The following TAFA2 variants were observed in gnomAD, a reference collection of about 807,000 sequenced individuals.
TAFA2 encodes the protein TAFA chemokine like family member 2, also known as chemokine-like protein TAFA-2.
TAFA2 carries 7 observed loss-of-function variants against 18.8 expected under a neutral mutation model. The ratio of observed to expected loss-of-function variants is 0.37; its 90% CI spans 0.21 to 0.70. TAFA2 has a LOEUF of 0.70. Ranked by LOEUF, TAFA2 falls within the 30% of genes least tolerant of loss-of-function variation. TAFA2 has a pLI of 0.53. For synonymous variants in TAFA2, 60 were observed against 54.2 expected (o/e 1.11, Z -0.47); for missense variants, 122 against 158.1 (o/e 0.77, Z 1.23).
In TAFA2 at chr12:62,161,930, C is replaced by G. The variant is rs926628802; in HGVS notation, c.-2+29329G>C. Among the ~76,000 whole-genome samples, 9 of 152,076 alleles carry G rather than the reference C, an allele frequency of 5.9e-5. 1 individual carries two copies. In the South Asian group the frequency reaches 1.9e-3, roughly 32 times the overall value. ...CATAGGAGTTAACTCTTGTCTAAATCAATTAGCCTATGGTAAAATTGATTT... is the reference window on the plus strand; with the variant it reads ...CATAGGAGTTAACTCTTGTCTAAATGAATTAGCCTATGGTAAAATTGATTT... On this transcript the variant is annotated intron_variant, in intron 1 of 4. Transcript: ENST00000416284.
chr12:62,210,681 A>C (rs2062709699), intron 1 of TAFA2, among the ~76,000 whole-genome samples: 1 of 152,234 alleles, frequency 6.6e-6, no homozygotes, highest in Non-Finnish European at 1.5e-5. Flanking sequence ...AACAGAGAGA[A>C]GTACATGAAA....
chr12:61,871,408 A>G (rs1407577684), intron 1 of TAFA2, among the ~76,000 whole-genome samples: 1 of 152,228 alleles, frequency 6.6e-6, no homozygotes, highest in African/African-American at 2.4e-5. Context: ...CAGCACAGAA[A>G]TACTGAATGT....
At chr12:61,732,247 G>A (rs977168092) in intron 4 of TAFA2, among the ~76,000 whole-genome samples, 65 of 152,086 alleles carry the variant, frequency 4.3e-4, no homozygotes, top group African/African-American at 1.4e-3. Context: ...GATGAAAAAA[G>A]TACAAAAGGG....
rs879390422 is a variant in TAFA2, at chr12:62,099,261, GA to G, written c.-2+91997del. Among the ~76,000 whole-genome samples, 356 of 150,790 alleles carry G rather than the reference GA, an allele frequency of 2.4e-3. 4 individuals carry two copies. The highest frequency in any genetic ancestry group is 8.1e-3 in the African/African-American group (333 of 41,112). ...TAATAATGACAAGAAGCACGTAAAT[GA>G]AAAAAAAAGTGAATTGTCTCCCAGC... On this transcript the variant is annotated intron_variant, in intron 1 of 4. Coordinates refer to ENST00000416284, the MANE Select transcript of TAFA2 (RefSeq NM_178539.5).
chr12:61,749,993 CCA>C (rs34947699), intron 4 of TAFA2, among the ~76,000 whole-genome samples: 20 of 148,604 alleles, frequency 1.3e-4, no homozygotes, highest in East Asian at 2.0e-4. Context: ...TCAAAACACC[CCA>C]CACACACACA....
intron 1 of TAFA2, among the ~76,000 whole-genome samples, chr12:61,874,274 C>T (rs1453857753): frequency 1.3e-5 from 2 of 152,128 alleles, no homozygotes; most frequent in Non-Finnish European, 2.9e-5. Context: ...AAAACACAGA[C>T]TTTGAAACTT....
intron 1 of TAFA2, among the ~76,000 whole-genome samples, chr12:62,143,265 C>T (rs192443772): frequency 1.3e-5 from 2 of 152,142 alleles, no homozygotes; most frequent in South Asian, 4.1e-4. Flanking sequence ...AAAATGCTAA[C>T]CCCCTTCAGC....
rs554191532 is a variant in TAFA2 at position 61,909,116 on chromosome 12, C to G, written c.-1-41690G>C. ...CAGAAAATCTAGAGAGAAAGGCATC[C>G]AGGGCCCTGCACAGGATGAGAAGTC... On this transcript the variant is annotated intron_variant, in intron 1 of 4. Transcript: ENST00000416284. 4.6e-5 allele frequency among the ~76,000 whole-genome samples: 7 copies of G among 152,222 alleles called. No homozygotes were observed. In the South Asian group the frequency reaches 1.5e-3, roughly 32 times the overall value.
At chr12:62,193,490 A>G (rs1489143001), upstream of TAFA2, among the ~76,000 whole-genome samples, 1 of 152,250 alleles carries the variant, frequency 6.6e-6, no homozygotes, top group Non-Finnish European at 1.5e-5. Flanking sequence ...ATAAAATAAA[A>G]GTAATACTAC....
chr12:61,730,574 C>A (rs770821969), intron 4 of TAFA2, among the ~76,000 whole-genome samples: 28 of 152,066 alleles, frequency 1.8e-4, no homozygotes, highest in Middle Eastern at 3.4e-3. Context: ...TCTCCATGGG[C>A]AGGGCTTGCT....
At chr12:61,940,926 G>A (rs1380711676) in intron 1 of TAFA2, among the ~76,000 whole-genome samples, 1 of 152,128 alleles carries the variant, frequency 6.6e-6, no homozygotes, top group African/African-American at 2.4e-5. Flanking sequence ...GATTATCCAA[G>A]ATAGGAGCCA....
intron 1 of TAFA2, among the ~76,000 whole-genome samples, chr12:61,928,219 A>C (rs1451952702): frequency 6.6e-6 from 1 of 152,236 alleles, no homozygotes; most frequent in South Asian, 2.1e-4. Context: ...CAGAGTGTAT[A>C]GGCAACCTAC....
chr12:62,233,438 C>G (rs2062821754), intron 1 of TAFA2, among the ~76,000 whole-genome samples: 2 of 152,128 alleles, frequency 1.3e-5, no homozygotes. Context: ...TCCACAAGAG[C>G]AGGAGCCTGT....
intron 1 of TAFA2, among the ~76,000 whole-genome samples, chr12:62,188,083 C>T: frequency 6.6e-6 from 1 of 152,138 alleles, no homozygotes; most frequent in East Asian, 1.9e-4. Context: ...GTTTGGCCTT[C>T]ATATCTAGCA....
At chr12:61,785,913 T>C (rs1456919063) in intron 2 of TAFA2, among the ~76,000 whole-genome samples, 2 of 151,074 alleles carry the variant, frequency 1.3e-5, no homozygotes, top group Non-Finnish European at 3.0e-5. Context: ...TTAAAAAAAA[T>C]TAGGGAGGGG....
chr12:62,161,097 C>T (rs1471008558), intron 1 of TAFA2, among the ~76,000 whole-genome samples: 2 of 152,148 alleles, frequency 1.3e-5, no homozygotes, highest in Non-Finnish European at 2.9e-5. Context: ...TTTTGAACTA[C>T]CCTGTGGTAG....
At chr12:62,212,414 C>T (rs2062717812) in intron 1 of TAFA2, among the ~76,000 whole-genome samples, 1 of 152,166 alleles carries the variant, frequency 6.6e-6, no homozygotes, top group South Asian at 2.1e-4. Flanking sequence ...TTTGGATAAG[C>T]ACATTTTCAT....
At chr12:62,132,897 C>A (rs764773513) in intron 1 of TAFA2, among the ~76,000 whole-genome samples, 2 of 151,924 alleles carry the variant, frequency 1.3e-5, no homozygotes, top group Non-Finnish European at 2.9e-5. Flanking sequence ...ATATATTTTG[C>A]AGAAGTCTAG....
At chr12:61,917,435 T>C (rs945153919) in intron 1 of TAFA2, among the ~76,000 whole-genome samples, 5 of 152,190 alleles carry the variant, frequency 3.3e-5, no homozygotes, top group Non-Finnish European at 7.3e-5. Flanking sequence ...TCTGCTTGAT[T>C]ATGATCACTG....
Sources: gnomAD v4.1 joint callset for allele counts (sites outside exome capture counted in the v4.1 genomes callset) on GRCh38, gnomAD v4.1.1 for gene constraint, MANE v1.5 for transcripts, NCBI Gene and HGNC (gene_info 2026-07-23, HGNC 2026-07-21) for gene names.